Variants in SYNGR2 observed in about 807,000 individuals in gnomAD.
SYNGR2 encodes the protein synaptogyrin 2.
In SYNGR2, 11 loss-of-function variants were observed where a neutral mutation model predicts 18.7. That is an observed-to-expected ratio of 0.59 (90% confidence interval 0.37 to 0.97). SYNGR2 has a LOEUF of 0.97. Among genes scored for constraint, SYNGR2 ranks in the 50% least tolerant of loss-of-function variants. The pLI, the probability that SYNGR2 is intolerant of heterozygous loss-of-function variation, is 0.01. For synonymous variants in SYNGR2, 127 were observed against 131.0 expected (o/e 0.97, Z 0.21); for missense variants, 253 against 300.7 (o/e 0.84, Z 1.17).
rs1316958434 is a variant in SYNGR2 at position 78,171,328 on chromosome 17, C to G, written c.338-182C>G. On this transcript the variant is annotated intron_variant, in intron 2 of 3. Transcript: ENST00000225777. The surrounding 1 kb of genome is among the most constrained non-coding windows in gnomAD (Gnocchi z 6.6). The stretch of plus-strand genomic sequence containing the variant: ...CCCTAGGCTGTCTGCTGTGGCCCAC[C>G]CTGCCAAGGCCCGAGTGTGGGGGAC... 6 of 774,198 alleles carry G rather than the reference C, an allele frequency of 7.7e-6. No individual in the cohort carries two copies. Among genetic ancestry groups the G allele is most frequent in the Non-Finnish European group, 1.2e-5 (6 of 497,350 alleles). The allele number at this position is 774,198 out of a possible 1,614,324, so 48.0% of individuals were successfully genotyped here. A position where few individuals can be genotyped will look rare whatever the true frequency, so the allele number is the denominator to read the frequency against.
intron 1 of SYNGR2, chr17:78,169,565 G>A (rs1170135618): frequency 1.3e-5 from 2 of 152,428 alleles, no homozygotes; most frequent in African/African-American, 2.4e-5. Flanking sequence ...TCCATCTGGG[G>A]GCGGGGCCTG....
At position 78,171,058 on chromosome 17, in the gene SYNGR2, T is replaced by C. The variant is rs2075655285; in HGVS notation, c.337+4T>C. 2 of 1,612,166 alleles carry C rather than the reference T, an allele frequency of 1.2e-6. No homozygotes were observed. The highest frequency in any genetic ancestry group is 1.3e-5 in the African/African-American group (1 of 75,024). ...ATTGGTGACCTGCTCTTCTCAGGTA[T>C]CTGCCTGTGGCACCTCCATTTGATC... On this transcript the variant is annotated splice_donor_region_variant and intron_variant, in intron 2 of 3. Coordinates refer to ENST00000225777, the MANE Select transcript of SYNGR2 (RefSeq NM_004710.7). This position sits in a 1 kb window ranked among gnomAD's most constrained non-coding sequence, Gnocchi z 6.6.
chr17:78,170,718 G>A (rs776373942), intron 1 of SYNGR2, 99 bp from the exon 2 acceptor site: 2 of 997,578 alleles, frequency 2.0e-6, no homozygotes, highest in South Asian at 1.4e-5. Context: ...GGGGACAGCA[G>A]TAGTGGGAGA....
At chr17:78,170,021 G>A (rs545698233) in intron 1 of SYNGR2, 2 of 152,526 alleles carry the variant, frequency 1.3e-5, no homozygotes, top group South Asian at 4.1e-4. Flanking sequence ...CTTCCCAAGA[G>A]GGCCTGTCCA....
rs1218340879 is a variant in SYNGR2, at chr17:78,168,735, G to A, written c.99+20G>A. On this transcript the variant is annotated intron_variant, in intron 1 of 3. Transcript: ENST00000225777. ...TGCTTGGTGAGCCCGGGGAGGGCGG[G>A]CCGAGGGCACCCTGGGGACCCCCTC... 2 of 1,194,016 alleles carry A rather than the reference G, an allele frequency of 1.7e-6. No individual in the cohort carries two copies. Among genetic ancestry groups the A allele is most frequent in the African/African-American group, 1.6e-5 (1 of 62,840 alleles). 74.0% of individuals were successfully genotyped at this position (1,194,016 alleles called of 1,614,324 possible).
In SYNGR2 at chr17:78,171,327, C is replaced by A; in HGVS notation, c.338-183C>A. The stretch of plus-strand genomic sequence containing the variant: ...CCCCTAGGCTGTCTGCTGTGGCCCA[C>A]CCTGCCAAGGCCCGAGTGTGGGGGA... On this transcript the variant is annotated intron_variant, in intron 2 of 3. Transcript: ENST00000225777. This position sits in a 1 kb window ranked among gnomAD's most constrained non-coding sequence, Gnocchi z 6.6. The A allele has an allele frequency of 1.3e-6, 1 of 774,082 alleles. No individual in the cohort carries two copies. Among genetic ancestry groups the A allele is most frequent in the Non-Finnish European group, 2.0e-6 (1 of 497,192 alleles). The allele number at this position is 774,082 out of a possible 1,614,324, so 48.0% of individuals were successfully genotyped here.
chr17:78,171,845 A>C lies in SYNGR2; in HGVS notation c.584A>C (p.Tyr195Ser). The change falls in exon 4 of 4, where the codon TAC becomes TCC. Residue 195 changes from tyrosine to serine, a missense_variant. Physicochemically the swap from Tyr to Ser is moderately radical, Grantham distance 144. Coordinates refer to ENST00000225777, the MANE Select transcript of SYNGR2 (RefSeq NM_004710.7). The surrounding 1 kb of genome is among the most constrained non-coding windows in gnomAD (Gnocchi z 6.6). ...GACCCCAACACTGCCTACGCCTCCT[A>C]CCCAGGTGCATCTGTGGACAACTAC... is the stretch of plus-strand genomic sequence containing the variant. ...TPDPNTAYAS[Y>S]PGASVDNYQQ... The C allele has an allele frequency of 1.2e-6, 2 of 1,613,798 alleles. No individual in the cohort carries two copies. Among genetic ancestry groups the C allele is most frequent in the Non-Finnish European group, 1.7e-6 (2 of 1,179,910 alleles).
Position 78,171,017 on chromosome 17 carries a change from C to T in SYNGR2, c.300C>T (p.Asp100=). 1.2e-6 allele frequency: 2 copies of T among 1,613,454 alleles called. No individual in the cohort carries two copies. Among genetic ancestry groups the T allele is most frequent in the Non-Finnish European group, 1.7e-6 (2 of 1,180,004 alleles). ...AYFPQISNAT[D]RKYLVIGDLL... is the part of the protein sequence containing the mutation. ...TCCCCCAGATCAGCAACGCCACTGA[C>T]CGCAAGTACCTGGTCATTGGTGACC... The change falls in exon 2 of 4, where the codon GAC becomes GAT. Residue 100 remains aspartate, a synonymous_variant. Coordinates refer to ENST00000225777, the MANE Select transcript of SYNGR2 (RefSeq NM_004710.7). The surrounding 1 kb of genome is among the most constrained non-coding windows in gnomAD (Gnocchi z 6.6).
In SYNGR2 at chr17:78,171,915, C is replaced by T; in HGVS notation, c.654C>T (p.Tyr218=). ...FTQNAETTEG[Y]QPPPVY The stretch of plus-strand genomic sequence containing the variant: ...AGAACGCGGAGACCACCGAGGGCTA[C>T]CAGCCGCCCCCTGTGTACTGAGCGG... Residue 218 remains tyrosine, a synonymous_variant, in exon 4 of 4, where the codon TAC becomes TAT. Coordinates refer to ENST00000225777, the MANE Select transcript of SYNGR2 (RefSeq NM_004710.7). This position sits in a 1 kb window ranked among gnomAD's most constrained non-coding sequence, Gnocchi z 6.6. The T allele has an allele frequency of 2.5e-6, 4 of 1,613,658 alleles. No individual in the cohort carries two copies. The highest frequency in any genetic ancestry group is 3.4e-6 in the Non-Finnish European group (4 of 1,180,020).
chr17:78,171,359 A>T lies in SYNGR2; in HGVS notation c.338-151A>T. 1.0e-6 allele frequency: 1 copy of T among 960,580 alleles called. No homozygotes were observed. The highest frequency in any genetic ancestry group is 1.5e-6 in the Non-Finnish European group (1 of 666,982). The allele number at this position is 960,580 out of a possible 1,614,324, so 59.5% of individuals were successfully genotyped here. On this transcript the variant is annotated intron_variant, in intron 2 of 3. Coordinates refer to ENST00000225777, the MANE Select transcript of SYNGR2 (RefSeq NM_004710.7). The surrounding 1 kb of genome is among the most constrained non-coding windows in gnomAD (Gnocchi z 6.6). Reference sequence around the variant, plus strand: ...AAGGCCCGAGTGTGGGGGACTTTGGAGGTGGCTCCCGGCCCGGCTTCCAAG... The same window carrying T: ...AAGGCCCGAGTGTGGGGGACTTTGGTGGTGGCTCCCGGCCCGGCTTCCAAG...
At chr17:78,170,559 G>A (rs1044096076) in intron 1 of SYNGR2, 5 of 495,978 alleles carry the variant, frequency 1.0e-5, no homozygotes, top group Non-Finnish European at 1.9e-5. Context: ...GTGGTGGAGG[G>A]CACCTGTAAT....
Position 78,171,172 on chromosome 17 carries a change from AT to A in SYNGR2, c.337+123del. ...AGGGAGCAGCTCACTCCTCCAGGGC[AT>A]TTTTAGGAAAGGGTTTTCAGCTAGT... On this transcript the variant is annotated intron_variant, in intron 2 of 3. Transcript: ENST00000225777. The surrounding 1 kb of genome is among the most constrained non-coding windows in gnomAD (Gnocchi z 6.6). 9.9e-7 allele frequency: 1 copy of A among 1,006,422 alleles called. No individual in the cohort carries two copies. The highest frequency in any genetic ancestry group is 1.6e-5 in the African/African-American group (1 of 62,194). 62.3% of individuals were successfully genotyped at this position (1,006,422 alleles called of 1,614,324 possible). A position where few individuals can be genotyped will look rare whatever the true frequency, so the allele number is the denominator to read the frequency against.
rs576110898 is a variant in SYNGR2, at chr17:78,172,277, C to T, written c.*341C>T. The T allele has an allele frequency of 1.7e-5, 9 of 525,988 alleles. No individual in the cohort carries two copies. Among genetic ancestry groups the T allele is most frequent in the African/African-American group, 3.8e-5 (2 of 52,962 alleles). 32.6% of individuals were successfully genotyped at this position (525,988 alleles called of 1,614,324 possible). On this transcript the variant is annotated 3_prime_UTR_variant, in exon 4 of 4. Transcript: ENST00000225777. ...ACTGACAAGTGCCTCAGCTTCCCCCCGGCCCGGGTCAGGCCGTGGGAGCCG... is the reference window on the plus strand; with the variant it reads ...ACTGACAAGTGCCTCAGCTTCCCCCTGGCCCGGGTCAGGCCGTGGGAGCCG...
At chr17:78,169,998 G>T (rs1168894822) in intron 1 of SYNGR2, 1 of 152,534 alleles carries the variant, frequency 6.6e-6, no homozygotes, top group South Asian at 2.1e-4. Context: ...AGACACAGGG[G>T]CGCCAGCATG....
chr17:78,170,204 A>C (rs1387644866), intron 1 of SYNGR2: 1 of 153,352 alleles, frequency 6.5e-6, no homozygotes, highest in Non-Finnish European at 1.5e-5. Flanking sequence ...CCTAAGCAGA[A>C]TGATTCCTGC....
chr17:78,168,812 G>A, intron 1 of SYNGR2, 97 bp downstream of exon 1: 1 of 1,068,786 alleles, frequency 9.4e-7, no homozygotes, highest in Non-Finnish European at 1.2e-6. Context: ...ACAGGTGGCG[G>A]CGGCCGCGTC....
At chr17:78,168,856 C>A (rs937686670) in intron 1 of SYNGR2, 141 bp downstream of exon 1, 20 of 678,290 alleles carry the variant, frequency 2.9e-5, no homozygotes, top group Non-Finnish European at 3.7e-5. Context: ...CGGCGTCCAG[C>A]GTCCCGGGCC....
chr17:78,168,602 G>A lies in SYNGR2; in HGVS notation c.-15G>A. The A allele has an allele frequency of 1.7e-6, 2 of 1,190,566 alleles. No homozygotes were observed. Among genetic ancestry groups the A allele is most frequent in the Non-Finnish European group, 2.1e-6 (2 of 958,728 alleles). 73.8% of individuals were successfully genotyped at this position (1,190,566 alleles called of 1,614,324 possible). A position where few individuals can be genotyped will look rare whatever the true frequency, so the allele number is the denominator to read the frequency against. On this transcript the variant is annotated 5_prime_UTR_variant, in exon 1 of 4. Transcript: ENST00000225777. ...CTCTGCGTTCCGCGGCGGCGGCAGCGGCGGCGACGGCGACATGGAGAGCGG... is the reference window on the plus strand; with the variant it reads ...CTCTGCGTTCCGCGGCGGCGGCAGCAGCGGCGACGGCGACATGGAGAGCGG...
chr17:78,171,281 C>T lies in SYNGR2; in HGVS notation c.337+227C>T, dbSNP rs935121152. 1 of 666,262 alleles carries T rather than the reference C, an allele frequency of 1.5e-6. No individual in the cohort carries two copies. The highest frequency in any genetic ancestry group is 2.5e-6 in the Non-Finnish European group (1 of 397,526). 41.3% of individuals were successfully genotyped at this position (666,262 alleles called of 1,614,324 possible). On this transcript the variant is annotated intron_variant, in intron 2 of 3. Transcript: ENST00000225777. The surrounding 1 kb of genome is among the most constrained non-coding windows in gnomAD (Gnocchi z 6.6). ...CCTGCAGCACACCCGAGCAGATGGG[C>T]TTTGCCTCTGCCCCTTTTGTCCCCT...
Sources: allele counts gnomAD v4.1 joint callset, GRCh38; gene constraint gnomAD v4.1.1; non-coding constraint Gnocchi (gnomAD v3.1); transcripts MANE v1.5; gene names NCBI Gene and HGNC (gene_info 2026-07-23, HGNC 2026-07-21).